Variants in TEK observed in about 807,000 individuals in gnomAD.
TEK encodes the protein angiopoietin-1 receptor.
In TEK, 43 loss-of-function variants were observed where a neutral mutation model predicts 131.8. The observed-to-expected ratio is 0.33, with a 90% CI of 0.26 to 0.42. The LOEUF is 0.42. Among genes scored for constraint, TEK ranks in the 10% least tolerant of loss-of-function variants. TEK has a pLI of 1.00. For missense variants in TEK, 1,162 were observed against 1,384.4 expected (o/e 0.84, Z 2.55); for synonymous variants, 580 against 491.6 (o/e 1.18, Z -2.38).
Position 27,109,362 on chromosome 9 carries a change from C to G in TEK, c.-229C>G. The G allele has an allele frequency of 1.6e-6, 1 of 618,192 alleles. No homozygotes were observed. Among genetic ancestry groups the G allele is most frequent in the Non-Finnish European group, 2.9e-6 (1 of 347,272 alleles). The allele number at this position is 618,192 out of a possible 1,614,324, so 38.3% of individuals were successfully genotyped here. A position where few individuals can be genotyped will look rare whatever the true frequency, so the allele number is the denominator to read the frequency against. On this transcript the variant is annotated 5_prime_UTR_variant, in exon 1 of 23. Coordinates refer to ENST00000380036, the MANE Select transcript of TEK (RefSeq NM_000459.5). ...AAATGCCTTTAAGATACAGCCTTTC[C>G]CATCCTAATCTACAAAGGAAACAGG...
rs79297969 is a variant in TEK, at chr9:27,182,980, A to G, written c.1031-479A>G. Among the ~76,000 whole-genome samples, 400 of 152,346 alleles carry G rather than the reference A, an allele frequency of 2.6e-3. 2 individuals are homozygous for G. The highest frequency in any genetic ancestry group is 9.2e-3 in the African/African-American group (383 of 41,582). On this transcript the variant is annotated intron_variant, in intron 7 of 22. Coordinates refer to ENST00000380036, the MANE Select transcript of TEK (RefSeq NM_000459.5). ...TTGCAGACTTCCCAATGAATGAGACATCTCTCGTATATCTAAACTGAGGTC... is the reference window on the plus strand; with the variant it reads ...TTGCAGACTTCCCAATGAATGAGACGTCTCTCGTATATCTAAACTGAGGTC...
chr9:27,165,696 G>A (rs1448889996), intron 2 of TEK, among the ~76,000 whole-genome samples: 1 of 152,194 alleles, frequency 6.6e-6, no homozygotes, highest in African/African-American at 2.4e-5. Flanking sequence ...CAGAGGTGAA[G>A]CAGCTTTCAA....
At chr9:27,184,652 G>T (rs537990487) in intron 8 of TEK, among the ~76,000 whole-genome samples, 11 of 152,270 alleles carry the variant, frequency 7.2e-5, no homozygotes, top group African/African-American at 2.4e-4. Flanking sequence ...ATAACTATAT[G>T]TAACTTCTTA....
chr9:27,162,994 G>A (rs368986801), intron 2 of TEK, among the ~76,000 whole-genome samples: 44 of 152,324 alleles, frequency 2.9e-4, no homozygotes, highest in African/African-American at 8.4e-4. Flanking sequence ...GATTACAGGC[G>A]TGAGCCAGTG....
chr9:27,117,783 C>T (rs971482993), intron 1 of TEK, among the ~76,000 whole-genome samples: 18 of 152,140 alleles, frequency 1.2e-4, no homozygotes, highest in Non-Finnish European at 2.5e-4. Context: ...TGTCACAGCC[C>T]CTTGCCCAGG....
chr9:27,210,533 C>A, intron 16 of TEK: 1 of 167,300 alleles, frequency 6.0e-6, no homozygotes. Context: ...GTTGACCCCA[C>A]TGCAGATCTA....
intron 1 of TEK, among the ~76,000 whole-genome samples, chr9:27,116,327 C>T (rs552249111): frequency 4.6e-5 from 7 of 151,944 alleles, no homozygotes; most frequent in Admixed American, 1.3e-4. Flanking sequence ...CTTGCTGTGT[C>T]GCCCAGGCTG....
chr9:27,222,810 G>A (rs1826140324), intron 21 of TEK, among the ~76,000 whole-genome samples: 1 of 151,910 alleles, frequency 6.6e-6, no homozygotes, highest in Non-Finnish European at 1.5e-5. Flanking sequence ...TCAACTAATG[G>A]GAAAAATAAC....
chr9:27,224,928 T>A (rs1411622188), intron 21 of TEK, among the ~76,000 whole-genome samples: 3 of 152,204 alleles, frequency 2.0e-5, no homozygotes, highest in African/African-American at 7.2e-5. Flanking sequence ...ACAAAATCAG[T>A]GTGCAAAAAT....
At chr9:27,142,830 G>T (rs1178822722) in intron 1 of TEK, among the ~76,000 whole-genome samples, 2 of 152,186 alleles carry the variant, frequency 1.3e-5, no homozygotes, top group Non-Finnish European at 2.9e-5. Flanking sequence ...CTCATCCGTG[G>T]TATGGAGGTA....
chr9:27,139,203 A>G (rs1587505528), intron 1 of TEK, among the ~76,000 whole-genome samples: 1 of 94,208 alleles, frequency 1.1e-5, no homozygotes, highest in African/African-American at 4.8e-5. Flanking sequence ...ACAGAGCGAG[A>G]CTCTGTCTCA....
At chr9:27,213,107 T>C (rs896522176) in intron 17 of TEK, among the ~76,000 whole-genome samples, 9 of 152,128 alleles carry the variant, frequency 5.9e-5, no homozygotes, top group Admixed American at 5.9e-4. Flanking sequence ...ATTATGAAAA[T>C]TGTATAATTT....
chr9:27,217,925 T>G (rs1012439687), intron 19 of TEK, among the ~76,000 whole-genome samples, 167 bp downstream of exon 19: 9 of 152,148 alleles, frequency 5.9e-5, no homozygotes, highest in Non-Finnish European at 1.3e-4. Flanking sequence ...GTAGACAGTT[T>G]CCAGAGGAGT....
chr9:27,183,430 G>T, intron 7 of TEK, 29 bp from the exon 8 acceptor site: 1 of 1,610,232 alleles, frequency 6.2e-7, no homozygotes, highest in Non-Finnish European at 8.5e-7. Context: ...TTAAATATTA[G>T]ATTTCACAGT....
intron 1 of TEK, among the ~76,000 whole-genome samples, chr9:27,150,485 C>T (rs867079262): frequency 1.6e-4 from 24 of 152,164 alleles, no homozygotes; most frequent in African/African-American, 4.3e-4. Flanking sequence ...GTGTTGCATG[C>T]CTGTAGTTCT....
intron 6 of TEK, among the ~76,000 whole-genome samples, chr9:27,174,617 T>C (rs2131152999): frequency 6.6e-6 from 1 of 152,254 alleles, no homozygotes; most frequent in Middle Eastern, 3.4e-3. Context: ...CTGGACAGCA[T>C]AGCTCCAGGG....
At chr9:27,191,209 G>C (rs1286679111) in intron 10 of TEK, among the ~76,000 whole-genome samples, 1 of 152,052 alleles carries the variant, frequency 6.6e-6, no homozygotes, top group Non-Finnish European at 1.5e-5. Flanking sequence ...CAAAGTTTGG[G>C]CTGTGGCAGA....
At position 27,213,616 on chromosome 9, in the gene TEK, C is replaced by A. The variant is rs1471643431; in HGVS notation, c.2991+19C>A. The A allele has an allele frequency of 2.6e-6, 4 of 1,567,504 alleles. No individual in the cohort carries two copies. The highest frequency in any genetic ancestry group is 3.5e-6 in the Non-Finnish European group (4 of 1,137,976). On this transcript the variant is annotated intron_variant, in intron 18 of 22. Coordinates refer to ENST00000380036, the MANE Select transcript of TEK (RefSeq NM_000459.5). ...GACAATGGTAAGTGCCAGACACAGACACTGATCGCATCCTTTCCGAGGTAC... is the reference window on the plus strand; with the variant it reads ...GACAATGGTAAGTGCCAGACACAGAAACTGATCGCATCCTTTCCGAGGTAC...
chr9:27,142,744 T>G (rs1342276134), intron 1 of TEK, among the ~76,000 whole-genome samples: 1 of 152,254 alleles, frequency 6.6e-6, no homozygotes, highest in Non-Finnish European at 1.5e-5. Context: ...TTATGAATTC[T>G]ATCACTGTTC....
Sources: gnomAD v4.1 joint callset for allele counts (sites outside exome capture counted in the v4.1 genomes callset) on GRCh38, gnomAD v4.1.1 for gene constraint, MANE v1.5 for transcripts, NCBI Gene and HGNC (gene_info 2026-07-23, HGNC 2026-07-21) for gene names.